The following SORCS1 variants were observed in gnomAD, a reference collection of about 807,000 sequenced individuals.
SORCS1 encodes the protein sortilin related VPS10 domain containing receptor 1, also known as VPS10 domain-containing receptor SorCS1.
A neutral mutation model predicts 146.1 loss-of-function variants in SORCS1; 60 were observed. The ratio of observed to expected loss-of-function variants is 0.41; its 90% CI spans 0.33 to 0.51. The LOEUF (loss-of-function observed/expected upper bound fraction) is 0.51. Ranked by LOEUF, SORCS1 falls within the 20% of genes least tolerant of loss-of-function variation. The pLI is 0.21. For synonymous variants in SORCS1, 637 were observed against 584.0 expected (o/e 1.09, Z -1.31); for missense variants, 1,352 against 1,487.6 (o/e 0.91, Z 1.50).
At chr10:106,676,470 A>T (rs1435714302) in intron 13 of SORCS1, among the ~76,000 whole-genome samples, 12 of 152,234 alleles carry the variant, frequency 7.9e-5, no homozygotes. Flanking sequence ...GGGAAAGGTG[A>T]CTGCAAGAAG....
At chr10:107,149,570 A>G (rs1290566107) in intron 1 of SORCS1, among the ~76,000 whole-genome samples, 1 of 152,232 alleles carries the variant, frequency 6.6e-6, no homozygotes, top group Non-Finnish European at 1.5e-5. Context: ...TTTAACTGTG[A>G]AGAGAGAAGA....
intron 1 of SORCS1, among the ~76,000 whole-genome samples, chr10:106,966,130 C>T (rs1226609984): frequency 6.6e-6 from 1 of 152,178 alleles, no homozygotes; most frequent in Non-Finnish European, 1.5e-5. Flanking sequence ...GATGGTTTTA[C>T]AGTATCATCA....
chr10:107,073,395 A>T (rs1405741884), intron 1 of SORCS1, among the ~76,000 whole-genome samples: 2 of 152,142 alleles, frequency 1.3e-5, no homozygotes, highest in African/African-American at 2.4e-5. Flanking sequence ...AATAGAGGTG[A>T]CTCAGATATG....
At chr10:106,777,008 C>T (rs1429610470) in intron 3 of SORCS1, among the ~76,000 whole-genome samples, 1 of 152,180 alleles carries the variant, frequency 6.6e-6, no homozygotes, top group African/African-American at 2.4e-5. Flanking sequence ...AACACTTACC[C>T]TTCTTCCCTT....
chr10:107,011,944 G>A (rs1245517451), intron 1 of SORCS1, among the ~76,000 whole-genome samples: 2 of 152,158 alleles, frequency 1.3e-5, no homozygotes, highest in African/African-American at 2.4e-5. Context: ...GTGAAATAAG[G>A]AGATCTTTAT....
intron 1 of SORCS1, among the ~76,000 whole-genome samples, chr10:107,092,008 G>A (rs1964218787): frequency 6.6e-6 from 1 of 152,276 alleles, no homozygotes; most frequent in South Asian, 2.1e-4. Context: ...AAACAGGCCA[G>A]TAAATCTAAG....
intron 3 of SORCS1, among the ~76,000 whole-genome samples, chr10:106,782,154 T>C (rs1043458555): frequency 1.3e-5 from 2 of 152,216 alleles, no homozygotes; most frequent in South Asian, 4.1e-4. Flanking sequence ...TTCAGTGAAA[T>C]GACTGGGAAA....
intron 1 of SORCS1, among the ~76,000 whole-genome samples, chr10:107,076,002 A>T (rs1010625162): frequency 1.3e-5 from 2 of 152,166 alleles, no homozygotes; most frequent in Non-Finnish European, 1.5e-5. Flanking sequence ...ACACCAAAAA[A>T]AAATCAAGAA....
chr10:106,662,667 C>G (rs1850823677), intron 17 of SORCS1, among the ~76,000 whole-genome samples: 1 of 152,190 alleles, frequency 6.6e-6, no homozygotes, highest in South Asian at 2.1e-4. Flanking sequence ...TATAAGCATG[C>G]AGGCATTGGC....
At chr10:106,734,259 C>T (rs1209002173) in intron 5 of SORCS1, among the ~76,000 whole-genome samples, 1 of 152,104 alleles carries the variant, frequency 6.6e-6, no homozygotes, top group Non-Finnish European at 1.5e-5. Context: ...CTGTGTACAT[C>T]CTGGTGTCTG....
In SORCS1 at chr10:106,679,564, G is replaced by A. The variant is rs1589647954; in HGVS notation, c.1663+68C>T. ...CTAGCTTCTTAAAATAAACTTCCAA[G>A]TACAGATATCTAGCTTCTTAAAATA... On this transcript the variant is annotated intron_variant, in intron 11 of 25. Coordinates refer to ENST00000263054, the MANE Select transcript of SORCS1 (RefSeq NM_052918.5). The A allele has an allele frequency of 2.3e-6, 3 of 1,332,502 alleles. No homozygotes were observed. The Admixed American group carries it at 6.1e-5, about 27-fold the overall frequency. 82.5% of individuals were successfully genotyped at this position (1,332,502 alleles called of 1,614,324 possible).
chr10:106,891,513 T>TTTTTTTTTTTTTTTTTTC, intron 2 of SORCS1, among the ~76,000 whole-genome samples: 1 of 147,836 alleles, frequency 6.8e-6, no homozygotes, highest in African/African-American at 2.5e-5. Context: ...TCTTTTTTTT[T>TTTTTTTTTTTTTTTTTTC]TTTTGAGAAA....
chr10:106,792,338 T>C (rs1335248904), intron 3 of SORCS1, among the ~76,000 whole-genome samples: 3 of 152,234 alleles, frequency 2.0e-5, no homozygotes, highest in Admixed American at 6.5e-5. Flanking sequence ...GGTTATCCTT[T>C]TATAAATTCT....
chr10:106,749,963 T>C (rs1858028815), intron 5 of SORCS1, among the ~76,000 whole-genome samples: 1 of 152,172 alleles, frequency 6.6e-6, no homozygotes, highest in African/African-American at 2.4e-5. Context: ...ACTCCAGAAC[T>C]CCAATTTTTA....
chr10:106,969,229 G>A (rs2139179640), intron 1 of SORCS1, among the ~76,000 whole-genome samples: 1 of 152,278 alleles, frequency 6.6e-6, no homozygotes, highest in Middle Eastern at 3.4e-3. Context: ...ACAATGGCAT[G>A]GCTAGTGGGT....
intron 2 of SORCS1, among the ~76,000 whole-genome samples, chr10:106,902,169 T>C (rs1031217951): frequency 1.3e-5 from 2 of 152,170 alleles, no homozygotes; most frequent in Admixed American, 6.5e-5. Flanking sequence ...AGAGTATAAA[T>C]TGGTGAAATC....
rs79173026 is a variant in SORCS1, at chr10:106,622,519, G to A, written c.2663-1958C>T. Among the ~76,000 whole-genome samples, 915 of 152,200 alleles carry A rather than the reference G, an allele frequency of 6.0e-3. 10 individuals carry two copies. The highest frequency in any genetic ancestry group is 0.021 in the African/African-American group (854 of 41,522). On this transcript the variant is annotated intron_variant, in intron 19 of 25. Coordinates refer to ENST00000263054, the MANE Select transcript of SORCS1 (RefSeq NM_052918.5). ...ACAAATGATATAACTTCCCATGTCC[G>A]TCTTTGTGCATGCTACTCCCTCTTT...
intron 1 of SORCS1, among the ~76,000 whole-genome samples, chr10:106,984,079 C>T (rs76581224): frequency 5.9e-5 from 9 of 151,978 alleles, no homozygotes; most frequent in African/African-American, 1.9e-4. Context: ...TAACAATACA[C>T]GTTATGTATC....
intron 3 of SORCS1, among the ~76,000 whole-genome samples, chr10:106,826,229 T>G (rs1589486075): frequency 6.6e-6 from 1 of 152,244 alleles, no homozygotes; most frequent in African/African-American, 2.4e-5. Flanking sequence ...TTTCCGGGAA[T>G]GCTGAGAGTT....
Sources: gnomAD v4.1 joint callset for allele counts (sites outside exome capture counted in the v4.1 genomes callset) on GRCh38, gnomAD v4.1.1 for gene constraint, MANE v1.5 for transcripts, NCBI Gene and HGNC (gene_info 2026-07-23, HGNC 2026-07-21) for gene names.